The following MAP4K3 variants were observed in gnomAD, a reference collection of about 807,000 sequenced individuals.
MAP4K3 encodes mitogen-activated protein kinase kinase kinase kinase 3.
Under a neutral mutation model 143.5 loss-of-function variants are expected in MAP4K3, and 94 were observed. The ratio of observed to expected loss-of-function variants is 0.65; its 90% CI spans 0.55 to 0.78. MAP4K3 has a LOEUF of 0.78. Among genes scored for constraint, MAP4K3 ranks in the 30% least tolerant of loss-of-function variants. MAP4K3 has a pLI of 0.00. For synonymous variants in MAP4K3, 416 were observed against 347.2 expected (o/e 1.20, Z -2.20); for missense variants, 1,077 against 1,068.1 (o/e 1.01, Z -0.12).
chr2:39,315,641 T>C (rs780086778), intron 12 of MAP4K3: 2 of 414,342 alleles, frequency 4.8e-6, no homozygotes, highest in Non-Finnish European at 8.7e-6. Context: ...GCTAAATACA[T>C]ATGAAATTAA....
At chr2:39,425,463 T>C (rs566219764) in intron 1 of MAP4K3, among the ~76,000 whole-genome samples, 1 of 152,270 alleles carries the variant, frequency 6.6e-6, no homozygotes, top group Admixed American at 6.5e-5. Flanking sequence ...CATCTGGAGA[T>C]GGGGCTTTTT....
chr2:39,325,598 A>T lies in MAP4K3; in HGVS notation c.838T>A (p.Ser280Thr). ...HPFVTQHLTR[S>T]LAIELLDKVN... ...TTATCCAACAGCTCGATTGCCAAAG[A>T]CCGTGTCAAATGTTGTGTTACAAAA... Residue 280 changes from serine to threonine, a missense_variant, in exon 12 of 34, where the codon TCT becomes ACT. Ser to Thr is a moderately conservative substitution (Grantham distance 58). This residue lies in a region of MAP4K3 where 864 missense variants were observed against 801.2 expected (regional missense o/e 1.08). Transcript: ENST00000263881. 2.5e-6 allele frequency: 4 copies of T among 1,613,318 alleles called. No homozygotes were observed. The highest frequency in any genetic ancestry group is 3.4e-6 in the Non-Finnish European group (4 of 1,179,682).
chr2:39,386,817 G>GTTT (rs774347519), intron 1 of MAP4K3, among the ~76,000 whole-genome samples: 10 of 32,160 alleles, frequency 3.1e-4, no homozygotes, highest in South Asian at 2.4e-3. Context: ...TTTTTTTGTT[G>GTTT]TTCTTTTTTT....
At chr2:39,291,879 A>G (rs1418036965) in intron 18 of MAP4K3, among the ~76,000 whole-genome samples, 3 of 152,154 alleles carry the variant, frequency 2.0e-5, no homozygotes, top group Non-Finnish European at 4.4e-5. Flanking sequence ...ACCCTTTCTC[A>G]AAAGAAAGAA....
chr2:39,264,000 G>C (rs958399428), intron 28 of MAP4K3, among the ~76,000 whole-genome samples: 1 of 152,076 alleles, frequency 6.6e-6, no homozygotes, highest in Non-Finnish European at 1.5e-5. Flanking sequence ...CAGTATACAA[G>C]AATAACTGAT....
intron 1 of MAP4K3, among the ~76,000 whole-genome samples, chr2:39,402,125 C>T (rs191440931): frequency 6.6e-6 from 1 of 152,168 alleles, no homozygotes. Flanking sequence ...AAACCCAAAT[C>T]ATATTAATAC....
At chr2:39,433,478 C>T (rs558311463) in intron 1 of MAP4K3, among the ~76,000 whole-genome samples, 35 of 152,252 alleles carry the variant, frequency 2.3e-4, no homozygotes, top group African/African-American at 8.4e-4. Context: ...CAAAAGATGG[C>T]ACAATGCATG....
At chr2:39,416,121 G>T (rs1290889122) in intron 1 of MAP4K3, among the ~76,000 whole-genome samples, 1 of 149,674 alleles carries the variant, frequency 6.7e-6, no homozygotes, top group African/African-American at 2.5e-5. Flanking sequence ...AAATTGTATG[G>T]TATATGAATT....
intron 1 of MAP4K3, among the ~76,000 whole-genome samples, chr2:39,384,789 TG>T (rs1412310017): frequency 6.6e-6 from 1 of 152,168 alleles, no homozygotes; most frequent in African/African-American, 2.4e-5. Context: ...GACAATAAAA[TG>T]GATTTTTAAA....
chr2:39,301,650 C>T (rs557513101), intron 15 of MAP4K3, among the ~76,000 whole-genome samples: 51 of 152,158 alleles, frequency 3.4e-4, no homozygotes, highest in African/African-American at 9.6e-4. Context: ...CTCAGCTCAT[C>T]TGATATAAGA....
rs148660200 is a variant in MAP4K3, at chr2:39,276,599, T to C, written c.1794+1808A>G. Among the ~76,000 whole-genome samples the C allele has an allele frequency of 6.5e-3, 995 of 152,340 alleles. 10 individuals carry two copies. The highest frequency in any genetic ancestry group is 0.023 in the African/African-American group (955 of 41,574). On this transcript the variant is annotated intron_variant, in intron 24 of 33. Transcript: ENST00000263881. Reference sequence around the variant, plus strand: ...TCCTTTCGGTGCTTTAGTTTTCTCATCCGTGAAGTGAGATTATCAATGGTG... The same window carrying C: ...TCCTTTCGGTGCTTTAGTTTTCTCACCCGTGAAGTGAGATTATCAATGGTG...
At chr2:39,414,807 T>C (rs1463253417) in intron 1 of MAP4K3, among the ~76,000 whole-genome samples, 2 of 151,208 alleles carry the variant, frequency 1.3e-5, no homozygotes, top group African/African-American at 4.9e-5. Context: ...AACCTGGGAG[T>C]CAGAGGTTGC....
rs144416392 is a variant in MAP4K3 at position 39,270,470 on chromosome 2, A to T, written c.1973+1813T>A. On this transcript the variant is annotated intron_variant, in intron 26 of 33. Transcript: ENST00000263881. ...GTTCAATTTATCATGCCCAATAATG[A>T]TGACAAAAGGTCTATTTCTTGAGAG... 1.3e-3 allele frequency among the ~76,000 whole-genome samples: 197 copies of T among 152,352 alleles called. 1 individual carries two copies. Among genetic ancestry groups the T allele is most frequent in the African/African-American group, 4.5e-3 (186 of 41,584 alleles).
intron 1 of MAP4K3, among the ~76,000 whole-genome samples, chr2:39,399,690 T>C (rs1372284802): frequency 1.3e-5 from 2 of 152,236 alleles, no homozygotes. Flanking sequence ...AGCCTGGCAA[T>C]GACTTTTAGA....
intron 16 of MAP4K3, among the ~76,000 whole-genome samples, chr2:39,298,443 T>C (rs958484338): frequency 2.6e-5 from 4 of 152,122 alleles, no homozygotes; most frequent in African/African-American, 9.7e-5. Context: ...AACTAATATA[T>C]TTCTCCAGAT....
intron 21 of MAP4K3, among the ~76,000 whole-genome samples, chr2:39,283,116 A>G (rs954301702): frequency 6.6e-6 from 1 of 152,210 alleles, no homozygotes; most frequent in African/African-American, 2.4e-5. Flanking sequence ...ACAGTGTATG[A>G]GTGGATGCCT....
intron 1 of MAP4K3, among the ~76,000 whole-genome samples, chr2:39,406,547 C>A (rs1308115880): frequency 2.0e-5 from 3 of 152,136 alleles, no homozygotes; most frequent in Admixed American, 1.3e-4. Context: ...TCAGTGGGAG[C>A]CTTACAGGCC....
rs117715413 is a variant in MAP4K3, at chr2:39,401,744, T to G, written c.97-23621A>C. Among the ~76,000 whole-genome samples, 225 of 152,146 alleles carry G rather than the reference T, an allele frequency of 1.5e-3. 6 individuals carry two copies. The East Asian group carries it at 0.026, about 18-fold the overall frequency. ...TGAGCAGGAGAGGTTGAGGCTACAG[T>G]GAGCCAAGATGGCAATACTGCACTC... On this transcript the variant is annotated intron_variant, in intron 1 of 33. Transcript: ENST00000263881.
intron 2 of MAP4K3, among the ~76,000 whole-genome samples, chr2:39,368,459 G>A (rs1042489180): frequency 6.6e-6 from 1 of 152,038 alleles, no homozygotes; most frequent in Non-Finnish European, 1.5e-5. Flanking sequence ...TTGAGGCCAG[G>A]AGTTTGAGAC....
Sources: gnomAD v4.1 joint callset for allele counts (sites outside exome capture counted in the v4.1 genomes callset) on GRCh38, gnomAD v4.1.1 for gene constraint, gnomAD v4.1.1 regional missense constraint, MANE v1.5 for transcripts, NCBI Gene and HGNC (gene_info 2026-07-23, HGNC 2026-07-21) for gene names.